CTSO: variants seen among roughly 807,000 people sequenced by gnomAD.
CTSO encodes the protein cathepsin O.
Under a neutral mutation model 42.4 loss-of-function variants are expected in CTSO, and 40 were observed. The observed-to-expected ratio is 0.94, with a 90% CI of 0.73 to 1.23. The LOEUF is 1.23. Among genes scored for constraint, CTSO ranks in the 50% most tolerant of loss-of-function variants. CTSO has a pLI of 0.00. For synonymous variants in CTSO, 156 were observed against 146.2 expected (o/e 1.07, Z -0.48); for missense variants, 441 against 396.0 (o/e 1.11, Z -0.96).
At chr4:155,948,077 G>C (rs1277188915) in intron 1 of CTSO, among the ~76,000 whole-genome samples, 2 of 151,244 alleles carry the variant, frequency 1.3e-5, no homozygotes, top group Non-Finnish European at 2.9e-5. Context: ...TTTTTTTGTT[G>C]TTGTTGTTAA....
At chr4:155,938,819 G>A (rs1743376457) in intron 4 of CTSO, among the ~76,000 whole-genome samples, 1 of 152,038 alleles carries the variant, frequency 6.6e-6, no homozygotes, top group Non-Finnish European at 1.5e-5. Flanking sequence ...AGCCAAGTGT[G>A]GTGGTGGGCA....
intron 4 of CTSO, among the ~76,000 whole-genome samples, chr4:155,938,760 A>G (rs1743374770): frequency 6.6e-6 from 1 of 152,084 alleles, no homozygotes; most frequent in African/African-American, 2.4e-5. Flanking sequence ...CCATGTCTTT[A>G]CTAAAAAAAC....
Position 155,945,843 on chromosome 4 carries a change from A to G in CTSO, c.136-2579T>C, listed in dbSNP as rs2110931917. 4.6e-5 allele frequency among the ~76,000 whole-genome samples: 7 copies of G among 152,308 alleles called. No individual in the cohort carries two copies. In the South Asian group the frequency reaches 1.4e-3, roughly 32 times the overall value. ...TTATTTAGAAATGCTAGGTTGGTTT[A>G]AAATTTCAAAATCAATCATCAGTAC... On this transcript the variant is annotated intron_variant, in intron 1 of 7. Coordinates refer to ENST00000433477, the MANE Select transcript of CTSO (RefSeq NM_001334.3).
intron 1 of CTSO, among the ~76,000 whole-genome samples, chr4:155,945,613 G>A (rs28696057): frequency 0.2 from 31,053 of 152,088 alleles, 3,477 homozygotes; most frequent in Middle Eastern, 0.41. Flanking sequence ...ATTATCCTTT[G>A]AGAAAATCAA....
At chr4:155,944,836 A>G (rs7693476) in intron 1 of CTSO, among the ~76,000 whole-genome samples, 88,912 of 151,752 alleles carry the variant, frequency 0.59, 29,028 homozygotes, top group East Asian at 0.89. Context: ...GACAGCATGG[A>G]ACTCTTCCCC....
intron 5 of CTSO, among the ~76,000 whole-genome samples, chr4:155,932,519 C>T (rs1158386556): frequency 1.3e-5 from 2 of 152,190 alleles, no homozygotes; most frequent in East Asian, 3.9e-4. Flanking sequence ...ACTCACCCAA[C>T]TTGCAACAAT....
rs368125323 is a variant in CTSO, at chr4:155,929,858, T to C, written c.675-153A>G. ...CTAAGTCTGAGAGACTGGTAGTCTA[T>C]GGCTGGGATAGGGTTTCAGGATATC... On this transcript the variant is annotated intron_variant, in intron 5 of 7. Coordinates refer to ENST00000433477, the MANE Select transcript of CTSO (RefSeq NM_001334.3). Among the ~76,000 whole-genome samples the C allele has an allele frequency of 5.3e-5, 8 of 152,228 alleles. No individual in the cohort carries two copies. The East Asian group carries it at 1.2e-3, about 22-fold the overall frequency.
intron 1 of CTSO, among the ~76,000 whole-genome samples, chr4:155,948,708 C>T (rs2110936650): frequency 6.6e-6 from 1 of 152,332 alleles, no homozygotes; most frequent in African/African-American, 2.4e-5. Context: ...ATTTTTCTTA[C>T]AGGATCAGAA....
In CTSO at chr4:155,925,944, A is replaced by C; in HGVS notation, c.*92T>G. 1 of 1,104,198 alleles carries C rather than the reference A, an allele frequency of 9.1e-7. No individual in the cohort carries two copies. Among genetic ancestry groups the C allele is most frequent in the Non-Finnish European group, 1.3e-6 (1 of 747,350 alleles). The allele number at this position is 1,104,198 out of a possible 1,614,324, so 68.4% of individuals were successfully genotyped here. The stretch of plus-strand genomic sequence containing the variant: ...AGAATCTTTTGTAGGTAGTTGCTGA[A>C]ACTTGAAGTTGAATAATACTTTGAA... On this transcript the variant is annotated 3_prime_UTR_variant, in exon 8 of 8. Transcript: ENST00000433477.
chr4:155,932,712 A>G (rs1258941237), intron 5 of CTSO, among the ~76,000 whole-genome samples: 1 of 152,146 alleles, frequency 6.6e-6, no homozygotes, highest in Non-Finnish European at 1.5e-5. Flanking sequence ...CCCCAGCAGG[A>G]CTAAGCATGA....
intron 5 of CTSO, among the ~76,000 whole-genome samples, chr4:155,934,188 A>T (rs941352858): frequency 2.6e-5 from 4 of 152,210 alleles, no homozygotes; most frequent in Admixed American, 2.6e-4. Flanking sequence ...GCCATGGCTC[A>T]AAGGGGCCAA....
chr4:155,945,739 A>T (rs1265617059), intron 1 of CTSO, among the ~76,000 whole-genome samples: 1 of 152,260 alleles, frequency 6.6e-6, no homozygotes, highest in Non-Finnish European at 1.5e-5. Flanking sequence ...AATACGCTGT[A>T]GACACAAAAT....
chr4:155,951,638 C>A (rs2110941115), intron 1 of CTSO, among the ~76,000 whole-genome samples: 1 of 152,250 alleles, frequency 6.6e-6, no homozygotes, highest in Admixed American at 6.5e-5. Context: ...AAACCCATGA[C>A]CATGAAAGAC....
intron 5 of CTSO, among the ~76,000 whole-genome samples, chr4:155,935,793 T>C (rs1411072346): frequency 6.6e-6 from 1 of 152,164 alleles, no homozygotes. Context: ...AATGAATAAA[T>C]AAATCAAAGA....
chr4:155,933,409 C>G (rs1157709460), intron 5 of CTSO, among the ~76,000 whole-genome samples: 1 of 152,094 alleles, frequency 6.6e-6, no homozygotes, highest in African/African-American at 2.4e-5. Flanking sequence ...TCGGGTATGT[C>G]TTTATCAGCA....
intron 7 of CTSO, 81 bp from the exon 8 acceptor site, chr4:155,926,151 G>A: frequency 9.7e-7 from 1 of 1,033,938 alleles, no homozygotes; most frequent in Non-Finnish European, 1.4e-6. Flanking sequence ...TTTTTCATTT[G>A]GGTTCAGAAA....
In CTSO at chr4:155,929,682, T is replaced by G; in HGVS notation, c.698A>C (p.Lys233Thr). 1 of 1,610,776 alleles carries G rather than the reference T, an allele frequency of 6.2e-7. No individual in the cohort carries two copies. Among genetic ancestry groups the G allele is most frequent in the Non-Finnish European group, 8.5e-7 (1 of 1,179,246 alleles). The change falls in exon 6 of 8, where the codon AAA (lysine) becomes ACA (threonine). Residue 233 changes from lysine to threonine, a missense_variant. Lys to Thr is a moderately conservative substitution (Grantham distance 78, BLOSUM62 -1). Transcript: ENST00000433477. ...DFSDQEDEMA[K>T]ALLTFGPLVV... ...CAAAGGGCCAAAGGTAAGAAGTGCT[T>G]TTGCCATTTCATCTTCTTGGTCACT...
intron 6 of CTSO, among the ~76,000 whole-genome samples, chr4:155,929,332 T>C (rs1190764238): frequency 1.3e-5 from 2 of 152,234 alleles, no homozygotes; most frequent in Admixed American, 1.3e-4. Context: ...TGTGTGTGTG[T>C]CTTTAATTCC....
At chr4:155,937,920 C>T (rs1270076132) in intron 4 of CTSO, among the ~76,000 whole-genome samples, 1 of 152,132 alleles carries the variant, frequency 6.6e-6, no homozygotes, top group African/African-American at 2.4e-5. Context: ...CCAGCCTATA[C>T]TTTGGGTTTT....
Sources: allele counts gnomAD v4.1 joint callset (sites outside exome capture counted in the v4.1 genomes callset), GRCh38; gene constraint gnomAD v4.1.1; transcripts MANE v1.5; gene names NCBI Gene and HGNC (gene_info 2026-07-23, HGNC 2026-07-21).